LYRM4: variants seen among roughly 807,000 people sequenced by gnomAD.
The protein encoded by LYRM4 is LYR motif containing 4, also known as LYR motif-containing protein 4.
A neutral mutation model predicts 11.7 loss-of-function variants in LYRM4; 9 were observed. The observed-to-expected ratio is 0.77, with a 90% CI of 0.46 to 1.34. The LOEUF is 1.34. Ranked by LOEUF, LYRM4 falls within the 40% of genes most tolerant of loss-of-function variation. The pLI is 0.00. For synonymous variants in LYRM4, 42 were observed against 40.4 expected, an observed-to-expected ratio of 1.04 and a Z score of -0.15; for missense variants, 133 against 112.5, an observed-to-expected ratio of 1.18 and a Z score of -0.82.
intron 2 of LYRM4, among the ~76,000 whole-genome samples, chr6:5,202,601 C>A (rs1761451473): frequency 6.6e-6 from 1 of 152,176 alleles, no homozygotes; most frequent in Non-Finnish European, 1.5e-5. Context: ...ACAGGCCTTT[C>A]CAAAGTGGTT....
intron 2 of LYRM4, among the ~76,000 whole-genome samples, chr6:5,185,624 A>C (rs904879417): frequency 6.6e-6 from 1 of 152,176 alleles, no homozygotes; most frequent in African/African-American, 2.4e-5. Flanking sequence ...AGGAGAGACA[A>C]GCCCATAAGG....
At chr6:5,238,033 G>A (rs535219116) in intron 1 of LYRM4, among the ~76,000 whole-genome samples, 2 of 152,216 alleles carry the variant, frequency 1.3e-5, no homozygotes, top group East Asian at 1.9e-4. Context: ...ACCTGAGGCC[G>A]TGCTCCTGGC....
chr6:5,032,582 C>T, the LYRM4 span: 3 of 152,272 alleles, frequency 2.0e-5, no homozygotes, highest in Non-Finnish European at 4.4e-5. Flanking sequence ...TCAATAAAAT[C>T]TCAATAATTT....
At chr6:5,069,782 A>G in the LYRM4 span, among the ~76,000 whole-genome samples, 4 of 152,300 alleles carry the variant, frequency 2.6e-5, no homozygotes, top group African/African-American at 4.8e-5. Flanking sequence ...CCCGGCCTAC[A>G]CTATGTATTT....
At chr6:5,185,948 G>A (rs1046160702) in intron 2 of LYRM4, among the ~76,000 whole-genome samples, 2 of 152,134 alleles carry the variant, frequency 1.3e-5, no homozygotes, top group Non-Finnish European at 1.5e-5. Flanking sequence ...GAGGAGGGCT[G>A]GGAGAGCCTC....
chr6:5,226,572 T>C (rs1161908434), intron 1 of LYRM4, among the ~76,000 whole-genome samples: 3 of 152,142 alleles, frequency 2.0e-5, no homozygotes, highest in Non-Finnish European at 2.9e-5. Context: ...AGACAGGGTT[T>C]TTCCATGTTG....
At chr6:5,097,089 T>C in the LYRM4 span, among the ~76,000 whole-genome samples, 1 of 152,238 alleles carries the variant, frequency 6.6e-6, no homozygotes, top group Non-Finnish European at 1.5e-5. Context: ...TGTCTTATAG[T>C]TATGGAGACT....
the LYRM4 span, chr6:5,089,198 T>A: frequency 3.3e-5 from 5 of 152,112 alleles, no homozygotes; most frequent in Admixed American, 3.3e-4. Context: ...TGACGAAAAA[T>A]AAATGATAAA....
intron 2 of LYRM4, among the ~76,000 whole-genome samples, chr6:5,137,338 C>T (rs1757155696): frequency 6.6e-6 from 1 of 152,126 alleles, no homozygotes; most frequent in Admixed American, 6.5e-5. Context: ...GTTTTCATTT[C>T]TCTTGAGTAT....
the LYRM4 span, among the ~76,000 whole-genome samples, chr6:5,036,088 A>G: frequency 6.8e-6 from 1 of 147,720 alleles, no homozygotes; most frequent in African/African-American, 2.7e-5. Flanking sequence ...GTTTAAAATT[A>G]ACATGTTAAG....
intron 2 of LYRM4, among the ~76,000 whole-genome samples, chr6:5,214,184 G>A (rs1561875247): frequency 6.6e-6 from 1 of 152,220 alleles, no homozygotes; most frequent in Non-Finnish European, 1.5e-5. Context: ...ACTGATAAGT[G>A]CTGTCACAAA....
intron 2 of LYRM4, among the ~76,000 whole-genome samples, chr6:5,144,739 C>T (rs958356001): frequency 1.3e-5 from 2 of 150,328 alleles, no homozygotes; most frequent in African/African-American, 4.9e-5. Context: ...TCACTTTGTT[C>T]CTGCCTGGGA....
intron 1 of LYRM4, among the ~76,000 whole-genome samples, chr6:5,241,334 C>T (rs528877787): frequency 3.4e-4 from 52 of 152,322 alleles, no homozygotes; most frequent in Middle Eastern, 3.4e-3. Context: ...AATGTTAATT[C>T]ACTCTGAAGC....
the LYRM4 span, among the ~76,000 whole-genome samples, chr6:5,089,943 A>G: frequency 2.0e-5 from 3 of 152,154 alleles, no homozygotes; most frequent in Admixed American, 6.5e-5. Flanking sequence ...TTGTTTTTGA[A>G]AAGTTATTTC....
the LYRM4 span, among the ~76,000 whole-genome samples, chr6:5,077,574 A>C: frequency 1.3e-5 from 2 of 152,238 alleles, no homozygotes; most frequent in Non-Finnish European, 2.9e-5. Flanking sequence ...ACAGTCATCC[A>C]AAGTTAAATT....
the LYRM4 span, among the ~76,000 whole-genome samples, chr6:5,058,756 T>G: frequency 6.6e-6 from 1 of 152,202 alleles, no homozygotes; most frequent in Non-Finnish European, 1.5e-5. Context: ...GCCCTGTGTC[T>G]CCCCACTATT....
At chr6:5,154,090 T>C (rs1176148263) in intron 2 of LYRM4, among the ~76,000 whole-genome samples, 2 of 152,168 alleles carry the variant, frequency 1.3e-5, no homozygotes, top group African/African-American at 4.8e-5. Flanking sequence ...ACCCTATAAA[T>C]TAGATATTCT....
At chr6:5,160,779 TC>T (rs2127653720) in intron 2 of LYRM4, among the ~76,000 whole-genome samples, 1 of 152,304 alleles carries the variant, frequency 6.6e-6, no homozygotes, top group South Asian at 2.1e-4. Flanking sequence ...AGGCACCTGC[TC>T]AGTGCACGGT....
At chr6:5,043,705 C>T in the LYRM4 span, among the ~76,000 whole-genome samples, 7 of 152,170 alleles carry the variant, frequency 4.6e-5, no homozygotes, top group African/African-American at 1.4e-4. Flanking sequence ...CGGGAGTCCT[C>T]CTCCTCCCAG....
Sources: allele counts gnomAD v4.1 joint callset (sites outside exome capture counted in the v4.1 genomes callset), GRCh38; gene constraint gnomAD v4.1.1; transcripts MANE v1.5; gene names NCBI Gene and HGNC (gene_info 2026-07-23, HGNC 2026-07-21).